Variants in MLKL observed in about 807,000 individuals in gnomAD.
MLKL encodes mixed lineage kinase domain like pseudokinase.
MLKL carries 55 observed loss-of-function variants against 56.5 expected under a neutral mutation model. That is an observed-to-expected ratio of 0.97 (90% CI 0.78 to 1.22). The LOEUF is 1.22. Ranked by LOEUF, MLKL falls within the 50% of genes most tolerant of loss-of-function variation. MLKL has a pLI of 0.00. For missense variants in MLKL, 694 were observed against 573.9 expected, an observed-to-expected ratio of 1.21 and a Z score of -2.14; for synonymous variants, 251 against 208.3, an observed-to-expected ratio of 1.20 and a Z score of -1.76.
intron 7 of MLKL, chr16:74,676,490 T>C: frequency 1.0e-6 from 1 of 984,636 alleles, no homozygotes; most frequent in Non-Finnish European, 1.2e-6. Flanking sequence ...ATTCATTCAT[T>C]CATTCATTTG....
intron 7 of MLKL, chr16:74,676,463 T>C (rs1256388829): frequency 6.1e-6 from 6 of 985,456 alleles, no homozygotes; most frequent in Non-Finnish European, 4.8e-6. Context: ...GGCACTTAGA[T>C]GGCTCATCCC....
chr16:74,672,119 G>A lies in MLKL; in HGVS notation c.*385C>T, dbSNP rs1959264453. On this transcript the variant is annotated 3_prime_UTR_variant, in exon 11 of 11. Transcript: ENST00000308807. The stretch of plus-strand genomic sequence containing the variant: ...ATAAGGCCTCTTGAAACCTAGGCTT[G>A]GAACTGGCATACAGTCACTTCTTCC... 1 of 168,092 alleles carries A rather than the reference G, an allele frequency of 5.9e-6. No individual in the cohort carries two copies. Among genetic ancestry groups the A allele is most frequent in the African/African-American group, 2.4e-5 (1 of 41,966 alleles). 10.4% of individuals were successfully genotyped at this position (168,092 alleles called of 1,614,324 possible).
chr16:74,675,301 A>G (rs1468777995), intron 9 of MLKL, 54 bp downstream of exon 9: 1 of 1,612,550 alleles, frequency 6.2e-7, no homozygotes, highest in South Asian at 1.1e-5. Context: ...TTTCTGGTCT[A>G]CTGGAAGGGG....
In MLKL at chr16:74,699,338, G is replaced by A. The variant is rs188811607; in HGVS notation, c.-3+1115C>T. Among the ~76,000 whole-genome samples, 294 of 152,200 alleles carry A rather than the reference G, an allele frequency of 1.9e-3. 2 individuals carry two copies. Among genetic ancestry groups the A allele is most frequent in the African/African-American group, 6.9e-3 (286 of 41,526 alleles). On this transcript the variant is annotated intron_variant, in intron 1 of 10. Transcript: ENST00000308807. ...TGATCCTAAAGTTCATTTGAAATGG[G>A]AAATTAGTAGGGATAACCAGGATTT... is the stretch of plus-strand genomic sequence containing the variant.
chr16:74,690,065 A>G (rs1210795073), intron 4 of MLKL, among the ~76,000 whole-genome samples: 1 of 152,250 alleles, frequency 6.6e-6, no homozygotes, highest in East Asian at 1.9e-4. Context: ...ATTTACAAAC[A>G]GACAAGACAA....
At chr16:74,676,231 G>C (rs887950552) in intron 7 of MLKL, 1 of 992,026 alleles carries the variant, frequency 1.0e-6, no homozygotes, top group African/African-American at 1.7e-5. Context: ...CTGACTTTAT[G>C]GGGGGTCAGC....
At chr16:74,696,663 A>T (rs1961061353) in intron 1 of MLKL, among the ~76,000 whole-genome samples, 1 of 151,654 alleles carries the variant, frequency 6.6e-6, no homozygotes, top group Non-Finnish European at 1.5e-5. Flanking sequence ...TGAAATAAAT[A>T]AAATATAAAA....
chr16:74,691,570 A>C, intron 3 of MLKL, 107 bp from the exon 4 acceptor site: 1 of 1,256,270 alleles, frequency 8.0e-7, no homozygotes, highest in Non-Finnish European at 1.1e-6. Flanking sequence ...GCTCTACTAC[A>C]TGAACCAGAG....
chr16:74,686,560 G>T (rs1013003907), intron 4 of MLKL, among the ~76,000 whole-genome samples: 2 of 152,190 alleles, frequency 1.3e-5, no homozygotes, highest in South Asian at 4.1e-4. Flanking sequence ...TCCAGCCTGG[G>T]TGACAGAACG....
At chr16:74,676,547 A>G in intron 7 of MLKL, 1 of 866,072 alleles carries the variant, frequency 1.2e-6, no homozygotes, top group Non-Finnish European at 1.4e-6. Flanking sequence ...CTAGCGCCGT[A>G]TGGGATACCA....
chr16:74,679,007 A>T (rs6564158), intron 6 of MLKL, 27 bp from the exon 7 acceptor site: 996,673 of 1,601,420 alleles, frequency 0.62, 312,034 homozygotes, highest in East Asian at 0.74. Context: ...CGGGGAGCAT[A>T]AGTACCTTTG....
intron 6 of MLKL, among the ~76,000 whole-genome samples, chr16:74,680,539 C>T (rs1229340236): frequency 6.6e-6 from 1 of 151,928 alleles, no homozygotes; most frequent in African/African-American, 2.4e-5. Flanking sequence ...CGGAGTCTCG[C>T]TCTGTCGCCC....
chr16:74,696,473 A>G (rs983703642), intron 1 of MLKL, among the ~76,000 whole-genome samples: 2 of 151,792 alleles, frequency 1.3e-5, no homozygotes, highest in African/African-American at 4.8e-5. Flanking sequence ...AAAATTGTTC[A>G]GTTTCTTCCT....
chr16:74,679,372 C>T (rs577787808), intron 6 of MLKL, among the ~76,000 whole-genome samples: 44 of 152,124 alleles, frequency 2.9e-4, no homozygotes, highest in Non-Finnish European at 4.9e-4. Flanking sequence ...GCTGGGGTCC[C>T]GCTGACTTCC....
chr16:74,699,708 G>C (rs1845940416), intron 1 of MLKL, among the ~76,000 whole-genome samples: 1 of 152,188 alleles, frequency 6.6e-6, no homozygotes, highest in African/African-American at 2.4e-5. Flanking sequence ...GGTGAGGTAG[G>C]AGGATCACCT....
Position 74,682,727 on chromosome 16 carries a change from G to C in MLKL, c.880C>G (p.Leu294Val), listed in dbSNP as rs80226077. 6.2e-7 allele frequency: 1 copy of C among 1,613,986 alleles called. No individual in the cohort carries two copies. The highest frequency in any genetic ancestry group is 8.5e-7 in the Non-Finnish European group (1 of 1,180,026). ...GTGAGGTCTTTTTCCCTATCCAACA[G>C]CTCCCTCAGGGTCCCGAGTTCACAG... The part of the protein sequence containing the change: ...EYCELGTLRE[L>V]LDREKDLTLG... Residue 294 changes from leucine to valine, a missense_variant, in exon 6 of 11, where the codon CTG becomes GTG. Transcript: ENST00000308807.
intron 6 of MLKL, among the ~76,000 whole-genome samples, chr16:74,681,858 C>G (rs909118960): frequency 6.6e-6 from 1 of 151,954 alleles, no homozygotes; most frequent in African/African-American, 2.4e-5. Context: ...TTCTGATAAG[C>G]AATGAATATA....
intron 7 of MLKL, 152 bp downstream of exon 7, chr16:74,678,747 C>T: frequency 1.6e-6 from 1 of 615,550 alleles, no homozygotes. Flanking sequence ...CGCTCACTGC[C>T]CTCCAGCTTG....
At chr16:74,700,083 A>AAAAAT (rs753243205) in intron 1 of MLKL, among the ~76,000 whole-genome samples, 4 of 152,318 alleles carry the variant, frequency 2.6e-5, no homozygotes, top group Admixed American at 2.6e-4. Flanking sequence ...AATAAAAAAT[A>AAAAAT]AAAATAAAAT....
Sources: gnomAD v4.1 joint callset for allele counts (sites outside exome capture counted in the v4.1 genomes callset) on GRCh38, gnomAD v4.1.1 for gene constraint, MANE v1.5 for transcripts, NCBI Gene and HGNC (gene_info 2026-07-23, HGNC 2026-07-21) for gene names.